The following MACROD2 variants were observed in gnomAD, a reference collection of about 807,000 sequenced individuals.
MACROD2 encodes the protein ADP-ribose glycohydrolase MACROD2.
Under a neutral mutation model 70.4 loss-of-function variants are expected in MACROD2, and 36 were observed. That is an observed-to-expected ratio of 0.51 (90% confidence interval 0.39 to 0.68). The LOEUF (loss-of-function observed/expected upper bound fraction) is 0.68, where lower values mean the gene tolerates loss of function less well. Ranked by LOEUF, MACROD2 falls within the 30% of genes least tolerant of loss-of-function variation. The pLI, the probability that MACROD2 is intolerant of heterozygous loss-of-function variation, is 0.00. For missense variants in MACROD2, 496 were observed against 538.4 expected (o/e 0.92, Z 0.78); for synonymous variants, 172 against 178.8 (o/e 0.96, Z 0.30).
At chr20:16,027,441 A>G (rs542407978) in intron 15 of MACROD2, among the ~76,000 whole-genome samples, 92 of 152,366 alleles carry the variant, frequency 6.0e-4, no homozygotes, top group African/African-American at 2.1e-3. Context: ...ATAATTAAGA[A>G]TGTATAGGAT....
intron 4 of MACROD2, among the ~76,000 whole-genome samples, chr20:14,507,056 G>C (rs1040026369): frequency 2.0e-4 from 30 of 152,164 alleles, no homozygotes; most frequent in African/African-American, 7.2e-4. Flanking sequence ...TCTGTGACTA[G>C]TATTCAGAGA....
chr20:14,447,365 A>G (rs2084194224), intron 3 of MACROD2, among the ~76,000 whole-genome samples: 1 of 152,162 alleles, frequency 6.6e-6, no homozygotes, highest in Non-Finnish European at 1.5e-5. Context: ...TTCATCCCCC[A>G]ACAAGTGTAT....
intron 5 of MACROD2, among the ~76,000 whole-genome samples, chr20:15,056,762 TATC>T (rs770696786): frequency 1.5e-4 from 23 of 152,336 alleles, no homozygotes; most frequent in East Asian, 1.3e-3. Flanking sequence ...AAGAGTCAAA[TATC>T]ATGTGTAACT....
chr20:15,714,222 A>G (rs2050674774), intron 8 of MACROD2, among the ~76,000 whole-genome samples: 1 of 152,182 alleles, frequency 6.6e-6, no homozygotes, highest in African/African-American at 2.4e-5. Flanking sequence ...CACAGAACTA[A>G]GATGATTTAA....
intron 3 of MACROD2, among the ~76,000 whole-genome samples, chr20:14,365,276 CTT>C (rs1600164536): frequency 6.6e-6 from 1 of 151,676 alleles, no homozygotes; most frequent in Admixed American, 6.6e-5. Flanking sequence ...ATAGTATTCT[CTT>C]ATAATCATTT....
chr20:14,366,931 C>T (rs1382834455), intron 3 of MACROD2, among the ~76,000 whole-genome samples: 1 of 152,094 alleles, frequency 6.6e-6, no homozygotes, highest in East Asian at 1.9e-4. Context: ...TTGCTTCTGC[C>T]ATTTTGCTAT....
intron 6 of MACROD2, among the ~76,000 whole-genome samples, chr20:15,277,668 C>T (rs577757790): frequency 6.6e-6 from 1 of 152,206 alleles, no homozygotes; most frequent in African/African-American, 2.4e-5. Flanking sequence ...GATCTAGACC[C>T]TAGACAATCA....
intron 12 of MACROD2, among the ~76,000 whole-genome samples, chr20:15,951,352 A>ACACAG (rs1414285468): frequency 3.3e-5 from 3 of 91,878 alleles, no homozygotes; most frequent in Non-Finnish European, 7.8e-5. Context: ...CACACACACA[A>ACACAG]AGAGAGAGAG....
intron 5 of MACROD2, among the ~76,000 whole-genome samples, chr20:15,217,458 T>C (rs547045907): frequency 5.9e-5 from 9 of 152,312 alleles, no homozygotes; most frequent in Middle Eastern, 6.8e-3. Flanking sequence ...TGGAGTGTGC[T>C]GTTGGGTTAT....
chr20:14,973,783 A>G (rs1437450061), intron 5 of MACROD2, among the ~76,000 whole-genome samples: 2 of 152,206 alleles, frequency 1.3e-5, no homozygotes, highest in Non-Finnish European at 2.9e-5. Flanking sequence ...TTGGAGTAAC[A>G]TATATAAAAA....
At chr20:15,361,978 CCT>C (rs2078356479) in intron 6 of MACROD2, among the ~76,000 whole-genome samples, 1 of 151,236 alleles carries the variant, frequency 6.6e-6, no homozygotes, top group Non-Finnish European at 1.5e-5. Context: ...ACCATCATCT[CCT>C]CTCAAATAAG....
intron 12 of MACROD2, among the ~76,000 whole-genome samples, chr20:15,955,675 A>C (rs1257275371): frequency 6.6e-6 from 1 of 152,230 alleles, no homozygotes; most frequent in Non-Finnish European, 1.5e-5. Context: ...TGAACCACAA[A>C]TGAGAACTAC....
At position 15,082,263 on chromosome 20, in the gene MACROD2, A is replaced by G. The variant is rs376242819; in HGVS notation, c.419-147677A>G. ...GATTTCTGACTAAACCGTGTGTCTG[A>G]ATCTCCCCCTCAATAAAGGGAAGCC... On this transcript the variant is annotated intron_variant, in intron 5 of 17. Coordinates refer to ENST00000684519, the MANE Select transcript of MACROD2 (RefSeq NM_001351661.2). Among the ~76,000 whole-genome samples the G allele has an allele frequency of 2.9e-4, 44 of 152,302 alleles. 2 individuals carry two copies. In the South Asian group the frequency reaches 7.9e-3, roughly 27 times the overall value.
chr20:15,612,242 T>G (rs995812015), intron 8 of MACROD2, among the ~76,000 whole-genome samples: 1 of 152,192 alleles, frequency 6.6e-6, no homozygotes, highest in African/African-American at 2.4e-5. Context: ...TGTTACCTCT[T>G]GGCTGTTGCC....
chr20:14,579,778 G>C (rs1048557999), intron 4 of MACROD2, among the ~76,000 whole-genome samples: 7 of 152,248 alleles, frequency 4.6e-5, no homozygotes, highest in African/African-American at 1.4e-4. Flanking sequence ...ATAAAAGCTT[G>C]ATAAAGAGAT....
At chr20:14,900,895 A>T (rs560448159) in intron 5 of MACROD2, among the ~76,000 whole-genome samples, 7 of 151,646 alleles carry the variant, frequency 4.6e-5, no homozygotes, top group African/African-American at 1.7e-4. Context: ...TTCTTTGTGG[A>T]TGTGCTCTGA....
chr20:15,860,885 G>A (rs1397170716), intron 8 of MACROD2, among the ~76,000 whole-genome samples: 5 of 152,186 alleles, frequency 3.3e-5, no homozygotes, highest in African/African-American at 9.7e-5. Context: ...AATTGCAGGT[G>A]ATTCTGGGCT....
At chr20:15,976,962 C>T (rs1043656899) in intron 13 of MACROD2, among the ~76,000 whole-genome samples, 7 of 152,130 alleles carry the variant, frequency 4.6e-5, no homozygotes, top group Admixed American at 1.3e-4. Context: ...CTCAAGCAGG[C>T]CCACCTTTTC....
intron 8 of MACROD2, among the ~76,000 whole-genome samples, chr20:15,581,494 G>A (rs750437404): frequency 1.9e-4 from 29 of 152,224 alleles, no homozygotes; most frequent in Non-Finnish European, 3.4e-4. Context: ...AAAGGGATAT[G>A]TAGAATTGTG....
Sources: gnomAD v4.1 joint callset for allele counts (sites outside exome capture counted in the v4.1 genomes callset) on GRCh38, gnomAD v4.1.1 for gene constraint, MANE v1.5 for transcripts, NCBI Gene and HGNC (gene_info 2026-07-23, HGNC 2026-07-21) for gene names.